PDE4D: variants seen among roughly 807,000 people sequenced by gnomAD.
PDE4D encodes the protein phosphodiesterase 4D.
A neutral mutation model predicts 87.4 loss-of-function variants in PDE4D; 24 were observed. The ratio of observed to expected loss-of-function variants is 0.27; its 90% CI spans 0.20 to 0.39. The LOEUF (loss-of-function observed/expected upper bound fraction) is 0.39. Among genes scored for constraint, PDE4D ranks in the 10% least tolerant of loss-of-function variants. PDE4D has a pLI of 1.00. For missense variants in PDE4D, 714 were observed against 1,041.0 expected, an observed-to-expected ratio of 0.69 and a Z score of 4.32; for synonymous variants, 384 against 383.2, an observed-to-expected ratio of 1.00 and a Z score of -0.02.
chr5:60,181,025 C>G (rs1402004734), intron 2 of PDE4D, among the ~76,000 whole-genome samples: 1 of 151,182 alleles, frequency 6.6e-6, no homozygotes, highest in Non-Finnish European at 1.5e-5. Context: ...TTTAACCATA[C>G]AAATAAAAAA....
At chr5:60,319,589 C>G (rs1379904541) in intron 1 of PDE4D, among the ~76,000 whole-genome samples, 1 of 152,170 alleles carries the variant, frequency 6.6e-6, no homozygotes, top group African/African-American at 2.4e-5. Flanking sequence ...TTTTTCTGCT[C>G]TGTTTTTTCC....
At chr5:59,687,429 T>C (rs1158862613) in intron 1 of PDE4D, among the ~76,000 whole-genome samples, 1 of 152,102 alleles carries the variant, frequency 6.6e-6, no homozygotes, top group African/African-American at 2.4e-5. Context: ...ATATTCAACA[T>C]TCTTAAAGAA....
intron 6 of PDE4D, among the ~76,000 whole-genome samples, chr5:59,032,571 C>T (rs1293087739): frequency 6.6e-6 from 1 of 152,206 alleles, no homozygotes; most frequent in Non-Finnish European, 1.5e-5. Context: ...GAGCGAGACT[C>T]TGTCTCAAAA....
At chr5:59,715,880 G>A (rs977398283) in intron 1 of PDE4D, among the ~76,000 whole-genome samples, 1 of 152,198 alleles carries the variant, frequency 6.6e-6, no homozygotes, top group Non-Finnish European at 1.5e-5. Flanking sequence ...TTGTATTACT[G>A]CTGTGGCCTC....
chr5:59,283,157 T>C (rs1405832463), intron 1 of PDE4D, among the ~76,000 whole-genome samples: 1 of 152,068 alleles, frequency 6.6e-6, no homozygotes, highest in Non-Finnish European at 1.5e-5. Flanking sequence ...ATCTAGAAAA[T>C]GGTAAGGAAT....
intron 1 of PDE4D, among the ~76,000 whole-genome samples, chr5:60,326,807 G>C (rs73106756): frequency 0.06 from 9,181 of 151,978 alleles, 919 homozygotes; most frequent in African/African-American, 0.21. Flanking sequence ...TCTATCTTTA[G>C]AACTGCAGGC....
chr5:60,394,294 A>G (rs1026811639), intron 1 of PDE4D, among the ~76,000 whole-genome samples: 19 of 152,232 alleles, frequency 1.2e-4, no homozygotes, highest in Admixed American at 2.6e-4. Context: ...AAGAATATGT[A>G]AAAAGAGTGG....
At chr5:60,291,244 T>A (rs1752869322) in intron 1 of PDE4D, among the ~76,000 whole-genome samples, 1 of 152,184 alleles carries the variant, frequency 6.6e-6, no homozygotes, top group Non-Finnish European at 1.5e-5. Context: ...CCATCTGCCT[T>A]CCTTTAGTTG....
rs546082715 is a variant in PDE4D at position 59,702,837 on chromosome 5, T to A, written c.455+190331A>T. Among the ~76,000 whole-genome samples, 3 of 119,184 alleles carry A rather than the reference T, an allele frequency of 2.5e-5. No individual in the cohort carries two copies. The Admixed American group carries it at 3.7e-4, about 15-fold the overall frequency. The allele number at this position is 119,184 out of a possible 152,430, so 78.2% of individuals were successfully genotyped here. A position where few individuals can be genotyped will look rare whatever the true frequency, so the allele number is the denominator to read the frequency against. On this transcript the variant is annotated intron_variant, in intron 1 of 14. Transcript: ENST00000340635. Reference sequence around the variant, plus strand: ...GTGAGCCATGATGGTGCCACTGCACTCCAGCCTGGGCAACAGAGTGAGACC... The same window carrying A: ...GTGAGCCATGATGGTGCCACTGCACACCAGCCTGGGCAACAGAGTGAGACC...
Position 59,722,890 on chromosome 5 carries a change from G to C in PDE4D, c.455+170278C>G, listed in dbSNP as rs371575642. 7.9e-5 allele frequency among the ~76,000 whole-genome samples: 12 copies of C among 152,202 alleles called. No individual in the cohort carries two copies. The East Asian group carries it at 2.3e-3, about 29-fold the overall frequency. On this transcript the variant is annotated intron_variant, in intron 1 of 14. Transcript: ENST00000340635. ...TTCAGTATATATACATGGAATAAAC[G>C]TGTTTGCCCTTTTTCTGTTGTTGAA...
At chr5:59,361,971 G>T (rs1782295284) in intron 1 of PDE4D, among the ~76,000 whole-genome samples, 1 of 151,858 alleles carries the variant, frequency 6.6e-6, no homozygotes, top group African/African-American at 2.4e-5. Context: ...AAATACCATT[G>T]GGCAAGTTTT....
chr5:59,559,556 G>A (rs1015213893), intron 1 of PDE4D, among the ~76,000 whole-genome samples: 2 of 152,276 alleles, frequency 1.3e-5, no homozygotes, highest in South Asian at 4.1e-4. Context: ...AGATATGAGC[G>A]TGAATGACGC....
At chr5:59,133,368 A>C (rs1409587860) in intron 5 of PDE4D, among the ~76,000 whole-genome samples, 1 of 152,174 alleles carries the variant, frequency 6.6e-6, no homozygotes, top group African/African-American at 2.4e-5. Flanking sequence ...GTTAAGTCTT[A>C]GTTTTCTCAT....
In PDE4D at chr5:60,223,716, C is replaced by T. The variant is rs544881750; in HGVS notation, c.-89-38029G>A. 3.9e-5 allele frequency among the ~76,000 whole-genome samples: 6 copies of T among 152,206 alleles called. No homozygotes were observed. The South Asian group carries it at 1.0e-3, about 26-fold the overall frequency. On this transcript the variant is annotated intron_variant, in intron 1 of 16. Transcript: ENST00000502484. ...TAATGGGGATTTTCTAATTGGCTTA[C>T]CGGCTGTACTTCACATATTTAATTA...
chr5:59,709,876 T>C (rs925929605), intron 1 of PDE4D, among the ~76,000 whole-genome samples: 2 of 152,166 alleles, frequency 1.3e-5, no homozygotes, highest in Non-Finnish European at 2.9e-5. Context: ...CAAGTCTCCA[T>C]TACTTTAGAC....
At chr5:59,001,672 A>T (rs1007474512) in intron 6 of PDE4D, among the ~76,000 whole-genome samples, 10 of 152,172 alleles carry the variant, frequency 6.6e-5, no homozygotes, top group African/African-American at 2.4e-4. Context: ...CTAGGCCCAC[A>T]ATCTTCAATG....
At chr5:59,521,128 CT>C (rs1812164205) in intron 1 of PDE4D, among the ~76,000 whole-genome samples, 1 of 150,970 alleles carries the variant, frequency 6.6e-6, no homozygotes, top group African/African-American at 2.4e-5. Flanking sequence ...AAAAAAATCT[CT>C]GCTGCAAAAT....
At chr5:60,060,814 T>G (rs1020116108) in intron 2 of PDE4D, among the ~76,000 whole-genome samples, 1 of 152,052 alleles carries the variant, frequency 6.6e-6, no homozygotes, top group Admixed American at 6.6e-5. Flanking sequence ...CAGAACACCA[T>G]GTAATCTTAG....
intron 1 of PDE4D, among the ~76,000 whole-genome samples, chr5:59,327,196 C>CAAA (rs200886052): frequency 7.6e-6 from 1 of 132,028 alleles, no homozygotes. Context: ...AATGAAATAC[C>CAAA]AAAAAAAAAA....
Sources: gnomAD v4.1 joint callset for allele counts (sites outside exome capture counted in the v4.1 genomes callset) on GRCh38, gnomAD v4.1.1 for gene constraint, MANE v1.5 for transcripts, NCBI Gene and HGNC (gene_info 2026-07-23, HGNC 2026-07-21) for gene names.